The following COL18A1 variants were observed in gnomAD, a reference collection of about 807,000 sequenced individuals.
The protein encoded by COL18A1 is collagen type XVIII alpha 1 chain, also known as collagen alpha-1(XVIII) chain.
A neutral mutation model predicts 168.0 loss-of-function variants in COL18A1; 133 were observed. That is an observed-to-expected ratio of 0.79 (90% confidence interval 0.69 to 0.91). The LOEUF (loss-of-function observed/expected upper bound fraction) is 0.91, where lower values mean the gene tolerates loss of function less well. COL18A1 is among the 40% of genes least tolerant of loss of function. COL18A1 has a pLI of 0.00. For synonymous variants in COL18A1, 949 were observed against 809.0 expected (o/e 1.17, Z -2.94); for missense variants, 2,126 against 1,925.4 (o/e 1.10, Z -1.95).
chr21:45,489,862 GCCCCTCCCCCACACCTCCTCCCCGACTTC>G (rs1231214871), intron 19 of COL18A1, among the ~76,000 whole-genome samples: 7 of 15,132 alleles, frequency 4.6e-4, no homozygotes, highest in Admixed American at 8.8e-4. Context: ...TCCCCCACTT[GCCCCTCCCCCACACCTCCTCCCCGACTTC>G]CCCCTCCCCC....
intron 19 of COL18A1, among the ~76,000 whole-genome samples, 168 bp downstream of exon 19, chr21:45,489,689 C>G (rs377238823): frequency 1.5e-3 from 234 of 152,084 alleles, no homozygotes; most frequent in African/African-American, 5.1e-3. Flanking sequence ...CCAGGATACC[C>G]ACCTGCAGGG....
At chr21:45,503,178 G>C (rs1356274501) in intron 32 of COL18A1, among the ~76,000 whole-genome samples, 1 of 152,164 alleles carries the variant, frequency 6.6e-6, no homozygotes, top group East Asian at 1.9e-4. Flanking sequence ...CTAGTTTACA[G>C]TCCCACCAAC....
intron 2 of COL18A1, among the ~76,000 whole-genome samples, chr21:45,429,634 T>C (rs1308095478): frequency 6.6e-6 from 1 of 152,176 alleles, no homozygotes; most frequent in Non-Finnish European, 1.5e-5. Flanking sequence ...AACATGCTCA[T>C]GAGCAGGCGG....
In COL18A1 at chr21:45,443,457, C is replaced by T. The variant is rs2034435660; in HGVS notation, c.107-24785C>T. ...TGGCCCTCACAGCCCAGCTCGGCAT[C>T]GCAGCAGAGTCCCGGTGGTGGAGAT... is the stretch of plus-strand genomic sequence containing the variant. On this transcript the variant is annotated intron_variant, in intron 2 of 41. Transcript: ENST00000651438. This position sits in a 1 kb window ranked among gnomAD's most constrained non-coding sequence, Gnocchi z 5.2. Among the ~76,000 whole-genome samples, 1 of 152,162 alleles carries T rather than the reference C, an allele frequency of 6.6e-6. No homozygotes were observed. The highest frequency in any genetic ancestry group is 2.1e-4 in the South Asian group (1 of 4,828).
chr21:45,467,633 G>A (rs982058886), intron 2 of COL18A1, among the ~76,000 whole-genome samples: 7 of 152,308 alleles, frequency 4.6e-5, no homozygotes, highest in African/African-American at 9.6e-5. Flanking sequence ...GCGACGCCCC[G>A]TAGCCGAGGC....
intron 26 of COL18A1, chr21:45,494,329 ACCCTC>A (rs1285507565): frequency 1.7e-6 from 1 of 593,042 alleles, no homozygotes; most frequent in African/African-American, 2.0e-5. Flanking sequence ...CCCAAACCCG[ACCCTC>A]CCCTCACCAG....
intron 41 of COL18A1, among the ~76,000 whole-genome samples, chr21:45,511,670 C>G (rs186772396): frequency 1.7e-3 from 256 of 152,232 alleles, no homozygotes; most frequent in African/African-American, 6.0e-3. Flanking sequence ...CTGTGCCCTC[C>G]CCACGTGAGC....
intron 2 of COL18A1, chr21:45,455,572 C>G (rs759282506): frequency 1.9e-6 from 3 of 1,613,884 alleles, no homozygotes; most frequent in Non-Finnish European, 1.7e-6. Context: ...TGCTGCTGCT[C>G]TTCTGCTGCC....
chr21:45,405,298 C>T (rs1186062514), intron 1 of COL18A1, 57 bp downstream of exon 1: 132 of 521,876 alleles, frequency 2.5e-4, no homozygotes, highest in African/African-American at 3.8e-4. Context: ...CTGCGGGGGT[C>T]GCGGGGGTCG....
intron 2 of COL18A1, chr21:45,422,676 G>T: frequency 3.1e-6 from 1 of 324,308 alleles, no homozygotes. Context: ...CAAGGAAAGG[G>T]GAGGTAGCGG....
In COL18A1 at chr21:45,499,617, C is replaced by T. The variant is rs537920929; in HGVS notation, c.2683+1956C>T. 7.9e-5 allele frequency among the ~76,000 whole-genome samples: 12 copies of T among 152,204 alleles called. 1 individual carries two copies. Among genetic ancestry groups the T allele is most frequent in the African/African-American group, 2.6e-4 (11 of 41,540 alleles). On this transcript the variant is annotated intron_variant, in intron 32 of 41. Transcript: ENST00000651438. ...CAGGAACAGTGGGGTCAGAGGCTCCCGCAGGAACCGGCACAGGCTGCACAG... is the reference window on the plus strand; with the variant it reads ...CAGGAACAGTGGGGTCAGAGGCTCCTGCAGGAACCGGCACAGGCTGCACAG...
chr21:45,466,199 G>A (rs999529904), intron 2 of COL18A1, among the ~76,000 whole-genome samples: 6 of 152,196 alleles, frequency 3.9e-5, no homozygotes, highest in Non-Finnish European at 5.9e-5. Context: ...GGGCGGGGAC[G>A]TTCCACACTG....
rs1568946883 is a variant in COL18A1, at chr21:45,507,431, GCAGGGAGGGCACC to G, written c.3217-128_3217-116del. On this transcript the variant is annotated intron_variant, in intron 37 of 41. Transcript: ENST00000651438. ...ACAGGCTTGGAGGGGCAGGTGCTGG[GCAGGGAGGGCACC>G]CTCCTGTGGGCTGGGAGGGCCAGGT... The G allele has an allele frequency of 1.3e-4, 93 of 710,314 alleles. 3 individuals carry two copies. The South Asian group carries it at 1.4e-3, about 11-fold the overall frequency. 44.0% of individuals were successfully genotyped at this position (710,314 alleles called of 1,614,324 possible). A position where few individuals can be genotyped will look rare whatever the true frequency, so the allele number is the denominator to read the frequency against.
At chr21:45,493,125 C>G (rs1012276442) in intron 24 of COL18A1, 38 bp from the exon 25 acceptor site, 16 of 1,542,976 alleles carry the variant, frequency 1.0e-5, no homozygotes, top group Non-Finnish European at 1.2e-5. Context: ...GGGGGAGATG[C>G]CAGCCGCTCG....
chr21:45,508,012 GGTGGATGGAGAGGTGGGTGA>G (rs1261206136), intron 38 of COL18A1, among the ~76,000 whole-genome samples: 2 of 150,854 alleles, frequency 1.3e-5, no homozygotes, highest in Non-Finnish European at 2.9e-5. Flanking sequence ...TGGATGGATG[GGTGGATGGAGAGGTGGGTGA>G]GTGGATACGT....
At chr21:45,508,358 GTGAGTGGA>G (rs1236393072) in intron 38 of COL18A1, among the ~76,000 whole-genome samples, 3 of 150,776 alleles carry the variant, frequency 2.0e-5, no homozygotes, top group African/African-American at 4.9e-5. Context: ...GGACAAGTGG[GTGAGTGGA>G]TGGGTGGATG....
chr21:45,412,784 G>A (rs1056236381), intron 2 of COL18A1, among the ~76,000 whole-genome samples: 7 of 152,230 alleles, frequency 4.6e-5, no homozygotes, highest in African/African-American at 1.7e-4. Context: ...CCTGTCAGCT[G>A]TTAGCGTCTT....
rs550219487 is a variant in COL18A1, at chr21:45,435,576, C to T, written c.106+30103C>T. On this transcript the variant is annotated intron_variant, in intron 2 of 41. Coordinates refer to ENST00000651438, the MANE Select transcript of COL18A1 (RefSeq NM_001379500.1). The stretch of plus-strand genomic sequence containing the variant: ...GCCTCCATGTGTCAGGTGGGAGGCA[C>T]GGGCAGGGCCAGGCTGTGGGAGTCC... Among the ~76,000 whole-genome samples, 174 of 152,048 alleles carry T rather than the reference C, an allele frequency of 1.1e-3. 1 individual carries two copies. The highest frequency in any genetic ancestry group is 3.7e-3 in the African/African-American group (152 of 41,466).
At position 45,511,114 on chromosome 21, in the gene COL18A1, G is replaced by T; in HGVS notation, c.3697G>T (p.Glu1233Ter). The change falls in exon 41 of 42, where the codon GAG becomes TAG. Residue 1233 changes from glutamate to a stop codon, truncating the protein, a stop_gained. Transcript: ENST00000651438. LOFTEE classifies it high-confidence loss of function. ...AAVPIVNLKD[E>*]LLFPSWEALF... Reference sequence around the variant, plus strand: ...ATACACACGGTTTCTCTTCCAGGACGAGCTGCTGTTTCCCAGCTGGGAGGC... The same window carrying T: ...ATACACACGGTTTCTCTTCCAGGACTAGCTGCTGTTTCCCAGCTGGGAGGC... 2 of 1,554,280 alleles carry T rather than the reference G, an allele frequency of 1.3e-6. No individual in the cohort carries two copies. The highest frequency in any genetic ancestry group is 1.7e-6 in the Non-Finnish European group (2 of 1,144,786).
Sources: gnomAD v4.1 joint callset for allele counts (sites outside exome capture counted in the v4.1 genomes callset) on GRCh38, gnomAD v4.1.1 for gene constraint, Gnocchi (gnomAD v3.1) non-coding constraint, MANE v1.5 for transcripts, NCBI Gene and HGNC (gene_info 2026-07-23, HGNC 2026-07-21) for gene names.